ATP11C: variants seen among roughly 807,000 people sequenced by gnomAD.
The protein encoded by ATP11C is phospholipid-transporting ATPase IG.
Under a neutral mutation model 97.4 loss-of-function variants are expected in ATP11C, and 36 were observed. That is an observed-to-expected ratio of 0.37 (90% CI 0.28 to 0.49). ATP11C has a LOEUF of 0.49. ATP11C is among the 20% of genes least tolerant of loss of function. The pLI is 0.98. For missense variants in ATP11C, 730 were observed against 824.6 expected, an observed-to-expected ratio of 0.89 and a Z score of 1.40; for synonymous variants, 275 against 290.9, an observed-to-expected ratio of 0.95 and a Z score of 0.56.
At position 139,758,941 on chromosome X, in the gene ATP11C, T is replaced by C. The variant is rs73634065; in HGVS notation, c.2641-1074A>G. On this transcript the variant is annotated intron_variant, in intron 22 of 29. Coordinates refer to ENST00000682941, the MANE Select transcript of ATP11C (RefSeq NM_001353812.2). The stretch of plus-strand genomic sequence containing the variant: ...GAGGATATTTCGATCAATGTACTAC[T>C]GGCTCTGGAGGATGTTTCTAAAGAA... 3.1e-4 allele frequency among the ~76,000 whole-genome samples: 35 copies of C among 112,399 alleles called. 1 individual carries two copies. Among genetic ancestry groups the C allele is most frequent in the African/African-American group, 1.1e-3 (35 of 30,949 alleles).
At chrX:139,729,030 T>G (rs1274148553) in intron 29 of ATP11C, 68 bp from the exon 30 acceptor site, 2 of 878,929 alleles carry the variant, frequency 2.3e-6, no homozygotes, top group African/African-American at 4.0e-5. Context: ...TGTTAAGCAT[T>G]TTCAGAAATA....
chrX:139,822,518 A>G (rs538499088), intron 2 of ATP11C, among the ~76,000 whole-genome samples: 4 of 111,454 alleles, frequency 3.6e-5, no homozygotes, highest in African/African-American at 1.3e-4. Flanking sequence ...GGTTCAAGCG[A>G]TTCTCCTGCC....
chrX:139,856,708 T>G, intron 1 of ATP11C, among the ~76,000 whole-genome samples: 1 of 112,338 alleles, frequency 8.9e-6, no homozygotes, highest in Non-Finnish European at 1.9e-5. Flanking sequence ...GCTGCAGGAT[T>G]TGTCAATATT....
At chrX:139,783,411 G>A (rs2082505633) in intron 16 of ATP11C, 144 bp from the exon 17 acceptor site, 2 of 380,870 alleles carry the variant, frequency 5.3e-6, no homozygotes, top group Non-Finnish European at 9.0e-6. Flanking sequence ...AATGGAATGA[G>A]AAATCTTGGC....
At chrX:139,870,258 A>T (rs2084352653) in intron 1 of ATP11C, among the ~76,000 whole-genome samples, 1 of 112,268 alleles carries the variant, frequency 8.9e-6, no homozygotes, top group South Asian at 3.7e-4. Context: ...TACCTACCCC[A>T]TAGTGTTGTG....
chrX:139,933,211 C>T (rs1358810330), upstream of ATP11C: 3 of 110,894 alleles, frequency 2.7e-5, no homozygotes, highest in African/African-American at 9.9e-5. Context: ...CTGGGAGCTC[C>T]CCCACACGCT....
At chrX:139,914,514 G>C (rs1175442230) in intron 1 of ATP11C, among the ~76,000 whole-genome samples, 1 of 112,167 alleles carries the variant, frequency 8.9e-6, no homozygotes, top group African/African-American at 3.2e-5. Flanking sequence ...TCAGGTATTT[G>C]GCCAAGCATT....
At chrX:139,858,882 T>C (rs1194525087) in intron 1 of ATP11C, among the ~76,000 whole-genome samples, 1 of 112,104 alleles carries the variant, frequency 8.9e-6, no homozygotes, top group Non-Finnish European at 1.9e-5. Flanking sequence ...GTTTTTAACA[T>C]ATTCACAGCA....
At chrX:139,742,282 G>C (rs1190652515) in intron 26 of ATP11C, among the ~76,000 whole-genome samples, 2 of 111,740 alleles carry the variant, frequency 1.8e-5, no homozygotes, top group African/African-American at 6.5e-5. Context: ...AAAAAGGGTA[G>C]GTGCTACTTC....
intron 19 of ATP11C, among the ~76,000 whole-genome samples, 198 bp downstream of exon 19, chrX:139,774,492 T>C (rs962230432): frequency 2.7e-5 from 3 of 112,211 alleles, no homozygotes; most frequent in African/African-American, 9.7e-5. Flanking sequence ...TTCTCTTAAG[T>C]TAAAAGAAAA....
chrX:139,742,898 T>A (rs867062279), intron 26 of ATP11C, among the ~76,000 whole-genome samples: 7 of 69,862 alleles, frequency 1.0e-4, no homozygotes, highest in Admixed American at 1.7e-4. Context: ...TATATATATA[T>A]ATATATATAT....
At chrX:139,896,546 T>TAC (rs61153084) in intron 1 of ATP11C, among the ~76,000 whole-genome samples, 4,261 of 79,723 alleles carry the variant, frequency 0.053, 113 homozygotes, top group Non-Finnish European at 0.073. Flanking sequence ...GTTAATTTTA[T>TAC]ACACACACAC....
In ATP11C at chrX:139,772,972, T is replaced by C. The variant is rs140454136; in HGVS notation, c.2216+1718A>G. Among the ~76,000 whole-genome samples the C allele has an allele frequency of 7.2e-5, 8 of 110,664 alleles. No homozygotes were observed. In the East Asian group the frequency reaches 2.3e-3, roughly 32 times the overall value. On this transcript the variant is annotated intron_variant, in intron 19 of 29. Transcript: ENST00000682941. ...AGATTTAGAGGGGCCAGGGGCAGAA[T>C]GATATGATTTGGTTGTGTCCCCACC...
chrX:139,792,016 G>T (rs1858681816), intron 12 of ATP11C, among the ~76,000 whole-genome samples: 1 of 110,735 alleles, frequency 9.0e-6, no homozygotes, highest in South Asian at 3.9e-4. Context: ...GTGGTTCGGG[G>T]CCCCTAGATA....
chrX:139,771,504 G>A (rs2082254230), intron 19 of ATP11C, among the ~76,000 whole-genome samples: 1 of 111,779 alleles, frequency 8.9e-6, no homozygotes, highest in Admixed American at 9.5e-5. Context: ...GGACAGTTTG[G>A]AGGGCTCACA....
At chrX:139,794,714 A>C (rs1302623712) in intron 12 of ATP11C, among the ~76,000 whole-genome samples, 1 of 112,229 alleles carries the variant, frequency 8.9e-6, no homozygotes, top group Non-Finnish European at 1.9e-5. Flanking sequence ...GTAATATGGA[A>C]TCTGCTGAAA....
chrX:139,934,480 A>C (rs1311178525), upstream of ATP11C, among the ~76,000 whole-genome samples: 1 of 110,355 alleles, frequency 9.1e-6, no homozygotes, highest in Non-Finnish European at 1.9e-5. Flanking sequence ...TTGACAAAAG[A>C]GATCTAAAGT....
rs34007097 is a variant in ATP11C at position 139,900,367 on chromosome X, CAAAAA to C, written c.27+31644_27+31648del. On this transcript the variant is annotated intron_variant, in intron 1 of 29. Coordinates refer to ENST00000682941, the MANE Select transcript of ATP11C (RefSeq NM_001353812.2). ...CTGGCAACAGAGCGAGACTCCGTCT[CAAAAA>C]AAAAAAAAAAAAAAAAAAATTGCTA... is the stretch of plus-strand genomic sequence containing the variant. Among the ~76,000 whole-genome samples, 263 of 36,806 alleles carry C rather than the reference CAAAAA, an allele frequency of 7.1e-3. 1 individual carries two copies. The highest frequency in any genetic ancestry group is 0.011 in the Non-Finnish European group (235 of 20,811). 32.0% of individuals were successfully genotyped at this position (36,806 alleles called of 115,157 possible).
chrX:139,920,280 C>G (rs1322617507), intron 1 of ATP11C, among the ~76,000 whole-genome samples: 3 of 107,825 alleles, frequency 2.8e-5, no homozygotes, highest in Non-Finnish European at 3.8e-5. Context: ...TCGCTTGAAC[C>G]CAGGAGGCAC....
Sources: gnomAD v4.1 joint callset for allele counts (sites outside exome capture counted in the v4.1 genomes callset) on GRCh38, gnomAD v4.1.1 for gene constraint, MANE v1.5 for transcripts, NCBI Gene and HGNC (gene_info 2026-07-23, HGNC 2026-07-21) for gene names.